Variants in CCDC47 observed in about 807,000 individuals in gnomAD.
The protein encoded by CCDC47 is PAT complex subunit CCDC47.
CCDC47 carries 41 observed loss-of-function variants against 60.5 expected under a neutral mutation model. That is an observed-to-expected ratio of 0.68 (90% CI 0.53 to 0.88). CCDC47 has a LOEUF of 0.88. CCDC47 is among the 40% of genes least tolerant of loss of function. The pLI, the probability that CCDC47 is intolerant of heterozygous loss-of-function variation, is 0.00. For synonymous variants in CCDC47, 195 were observed against 190.7 expected (o/e 1.02, Z -0.18); for missense variants, 513 against 580.9 (o/e 0.88, Z 1.20).
chr17:63,767,567 T>TA (rs2039306082), intron 1 of CCDC47, among the ~76,000 whole-genome samples: 2 of 152,176 alleles, frequency 1.3e-5, no homozygotes, highest in South Asian at 4.1e-4. Context: ...GTCCCTCATC[T>TA]AAACACCAGC....
At chr17:63,756,591 A>G (rs2039209026) in intron 6 of CCDC47, 21 bp from the exon 7 acceptor site, 1 of 1,565,146 alleles carries the variant, frequency 6.4e-7, no homozygotes, top group Non-Finnish European at 8.8e-7. Flanking sequence ...AATGTAAAAA[A>G]CAACAAAATT....
intron 6 of CCDC47, among the ~76,000 whole-genome samples, chr17:63,758,825 A>G (rs1375073758): frequency 6.6e-6 from 1 of 152,148 alleles, no homozygotes; most frequent in Non-Finnish European, 1.5e-5. Context: ...GTAAAAGAAA[A>G]CGTTTTCTGC....
At position 63,752,320 on chromosome 17, in the gene CCDC47, T is replaced by C; in HGVS notation, c.1203A>G (p.Glu401=). Residue 401 remains glutamate (E), a splice_region_variant and synonymous_variant, in exon 11 of 13, where the codon GAA becomes GAG. Transcript: ENST00000225726. Reference sequence around the variant, plus strand: ...ATATAATACAGGCATTGGGTCTTACTTCTCTGTTGAGTCGGAACTTTTTGG... The same window carrying C: ...ATATAATACAGGCATTGGGTCTTACCTCTCTGTTGAGTCGGAACTTTTTGG... ...DKAKKFRLNR[E]GKQKADKNRA... 1.9e-6 allele frequency: 3 copies of C among 1,606,572 alleles called. No homozygotes were observed. In the South Asian group the frequency reaches 3.3e-5, roughly 18 times the overall value.
chr17:63,770,871 C>A (rs1191431369), intron 1 of CCDC47, among the ~76,000 whole-genome samples: 1 of 151,158 alleles, frequency 6.6e-6, no homozygotes. Flanking sequence ...ACCTGTAATC[C>A]CAGCTACTTG....
rs1568247846 is a variant in CCDC47 at position 63,756,297 on chromosome 17, G to A, written c.891C>T (p.Asp297=). 1 of 1,614,164 alleles carries A rather than the reference G, an allele frequency of 6.2e-7. No individual in the cohort carries two copies. ...CCATCTCTGACAGGATGGCCAAAGA[G>A]TCCGGCAGTCCATACTTTGCTCCAG... is the stretch of plus-strand genomic sequence containing the variant. ...PKSGAKYGLP[D]SLAILSEMGE... is the part of the protein sequence containing the mutation. The change falls in exon 8 of 13, where the codon GAC becomes GAT. Residue 297 remains aspartate (D), a synonymous_variant. Coordinates refer to ENST00000225726, the MANE Select transcript of CCDC47 (RefSeq NM_020198.3).
intron 1 of CCDC47, among the ~76,000 whole-genome samples, chr17:63,770,182 C>T (rs762937807): frequency 2.0e-5 from 3 of 152,074 alleles, no homozygotes; most frequent in African/African-American, 4.8e-5. Flanking sequence ...AGGTTGGTCT[C>T]GAACTCCTGA....
chr17:63,761,696 CA>C (rs11429721), intron 4 of CCDC47: 5,480 of 259,304 alleles, frequency 0.021, no homozygotes, highest in Non-Finnish European at 0.029. Context: ...GACTCTGTCT[CA>C]AAAAAAAAAA....
chr17:63,747,205 G>C, intron 12 of CCDC47: 3 of 984,412 alleles, frequency 3.0e-6, no homozygotes, highest in Non-Finnish European at 3.6e-6. Flanking sequence ...TCTCAGTTTT[G>C]AAAGAAACTA....
chr17:63,750,679 G>C (rs2039156182), intron 12 of CCDC47, among the ~76,000 whole-genome samples: 1 of 151,852 alleles, frequency 6.6e-6, no homozygotes, highest in African/African-American at 2.4e-5. Context: ...CTGCCTCTCA[G>C]GTTCAAGCAA....
rs1399096878 is a variant in CCDC47 at position 63,766,214 on chromosome 17, C to A, written c.-19-20G>T. 5.1e-6 allele frequency: 8 copies of A among 1,577,604 alleles called. No homozygotes were observed. Among genetic ancestry groups the A allele is most frequent in the South Asian group, 2.4e-5 (2 of 84,364 alleles). On this transcript the variant is annotated intron_variant, in intron 1 of 12. Transcript: ENST00000225726. Reference sequence around the variant, plus strand: ...AAAAAGCTTAAAAAAAAAGAGAACCCCAAAATGGATTGCCATTCTATACAT... The same window carrying A: ...AAAAAGCTTAAAAAAAAAGAGAACCACAAAATGGATTGCCATTCTATACAT...
intron 12 of CCDC47, chr17:63,747,246 T>G (rs1411658564): frequency 1.0e-6 from 1 of 985,052 alleles, no homozygotes; most frequent in African/African-American, 1.7e-5. Context: ...TTATTCTGGT[T>G]TGATTTTTTT....
rs565528425 is a variant in CCDC47, at chr17:63,749,935, A to G, written c.1371+2005T>C. Among the ~76,000 whole-genome samples the G allele has an allele frequency of 4.6e-5, 7 of 152,192 alleles. 1 individual carries two copies. The East Asian group carries it at 1.3e-3, about 29-fold the overall frequency. On this transcript the variant is annotated intron_variant, in intron 12 of 12. Transcript: ENST00000225726. ...TTGCCACTGTACTCTAGCCTGGGCA[A>G]CAGAGTGAGACCCTGTCTCAAAAAT... is the stretch of plus-strand genomic sequence containing the variant.
chr17:63,769,863 G>A lies in CCDC47; in HGVS notation c.-20+3549C>T, dbSNP rs546054129. Among the ~76,000 whole-genome samples the A allele has an allele frequency of 2.0e-4, 31 of 152,206 alleles. No homozygotes were observed. The South Asian group carries it at 6.4e-3, about 32-fold the overall frequency. ...GGGTCACATGCGGCCTGCAGGCCAT[G>A]GGTTGGACAAGCTTGGTTTAGAAAA... is the stretch of plus-strand genomic sequence containing the variant. On this transcript the variant is annotated intron_variant, in intron 1 of 12. Transcript: ENST00000225726.
chr17:63,753,306 T>A, intron 9 of CCDC47: 1 of 610,016 alleles, frequency 1.6e-6, no homozygotes, highest in Non-Finnish European at 2.1e-6. Context: ...CCTATATGAA[T>A]CCTTTGACTA....
intron 1 of CCDC47, among the ~76,000 whole-genome samples, chr17:63,769,959 TTC>T (rs1291821186): frequency 9.1e-6 from 1 of 110,452 alleles, no homozygotes; most frequent in Non-Finnish European, 1.7e-5. Flanking sequence ...TTATTTTTCT[TTC>T]TTTTTTTTTT....
chr17:63,764,690 G>A, intron 3 of CCDC47, 50 bp downstream of exon 3: 1 of 1,492,776 alleles, frequency 6.7e-7, no homozygotes, highest in Non-Finnish European at 9.3e-7. Context: ...TGGGATTGAT[G>A]ACAAGACATT....
chr17:63,771,139 C>T (rs57553639), intron 1 of CCDC47, among the ~76,000 whole-genome samples: 48,604 of 151,498 alleles, frequency 0.32, 8,526 homozygotes, highest in South Asian at 0.58. Flanking sequence ...AAAGGATAGG[C>T]CAACGGTACA....
intron 1 of CCDC47, among the ~76,000 whole-genome samples, chr17:63,772,541 C>T (rs914510748): frequency 2.0e-5 from 3 of 152,090 alleles, no homozygotes; most frequent in African/African-American, 7.2e-5. Flanking sequence ...ACGTGGGCCA[C>T]CGCGCCCAGC....
chr17:63,754,498 G>C lies in CCDC47; in HGVS notation c.969C>G (p.His323Gln), dbSNP rs1219135239. The C allele has an allele frequency of 5.0e-6, 8 of 1,607,720 alleles. No homozygotes were observed. The highest frequency in any genetic ancestry group is 1.1e-5 in the South Asian group (1 of 90,440). Residue 323 changes from histidine (H) to glutamine (Q), a missense_variant, in exon 9 of 13, where the codon CAC becomes CAG. Coordinates refer to ENST00000225726, the MANE Select transcript of CCDC47 (RefSeq NM_020198.3). ...MDTKMVHFLT[H>Q]YADKIESVHF... ...GAACAGATTCAATCTTGTCAGCATA[G>C]TGTGTAAGAAAGTGAACCATCTGAA...
Sources: gnomAD v4.1 joint callset for allele counts (sites outside exome capture counted in the v4.1 genomes callset) on GRCh38, gnomAD v4.1.1 for gene constraint, MANE v1.5 for transcripts, NCBI Gene and HGNC (gene_info 2026-07-23, HGNC 2026-07-21) for gene names.